Variants in ANKIB1 observed in about 807,000 individuals in gnomAD.
ANKIB1 encodes the protein ankyrin repeat and IBR domain-containing protein 1.
ANKIB1 carries 43 observed loss-of-function variants against 122.1 expected under a neutral mutation model. That is an observed-to-expected ratio of 0.35 (90% confidence interval 0.28 to 0.45). The LOEUF is 0.45. ANKIB1 is among the 20% of genes least tolerant of loss of function. ANKIB1 has a pLI of 1.00. For synonymous variants in ANKIB1, 390 were observed against 442.0 expected (o/e 0.88, Z 1.48); for missense variants, 992 against 1,329.5 (o/e 0.75, Z 3.95).
chr7:92,322,295 AT>A (rs1802928777), intron 4 of ANKIB1, among the ~76,000 whole-genome samples: 1 of 152,132 alleles, frequency 6.6e-6, no homozygotes, highest in Non-Finnish European at 1.5e-5. Flanking sequence ...TTATCAGTAG[AT>A]TTAATATCTA....
Position 92,294,987 on chromosome 7 carries a change from T to C in ANKIB1, c.9T>C (p.Asn3=). MG[N]TTTKFRKALI... ...AAAAAACAAAACAAAACATGGGAAA[T>C]ACAACCACCAAATTCCGTAAAGCAC... Residue 3 remains asparagine (N), a synonymous_variant, in exon 2 of 20, where the codon AAT becomes AAC. Transcript: ENST00000265742. 2 of 1,595,692 alleles carry C rather than the reference T, an allele frequency of 1.3e-6. No homozygotes were observed. Among genetic ancestry groups the C allele is most frequent in the Non-Finnish European group, 1.7e-6 (2 of 1,170,662 alleles).
At chr7:92,293,274 T>C (rs759332577) in intron 1 of ANKIB1, among the ~76,000 whole-genome samples, 2 of 152,214 alleles carry the variant, frequency 1.3e-5, no homozygotes, top group Admixed American at 6.5e-5. Flanking sequence ...CAGGTTATTA[T>C]ACAGCCAAGG....
intron 2 of ANKIB1, among the ~76,000 whole-genome samples, chr7:92,301,357 CT>C (rs369617319): frequency 0.016 from 2,341 of 145,678 alleles, 55 homozygotes; most frequent in African/African-American, 0.054. Flanking sequence ...CATCACTTAC[CT>C]TTTTTTTTTT....
intron 8 of ANKIB1, 149 bp downstream of exon 8, chr7:92,351,243 G>T (rs1364833217): frequency 1.5e-6 from 1 of 674,476 alleles, no homozygotes; most frequent in African/African-American, 1.9e-5. Flanking sequence ...TTGCTTAAAG[G>T]AATGGTGATA....
chr7:92,366,882 G>A (rs1221134809), intron 10 of ANKIB1, among the ~76,000 whole-genome samples: 1 of 152,064 alleles, frequency 6.6e-6, no homozygotes, highest in Non-Finnish European at 1.5e-5. Context: ...TAAATAGATG[G>A]CTATTTTTAG....
At chr7:92,390,648 A>T (rs1429784291) in intron 15 of ANKIB1, among the ~76,000 whole-genome samples, 2 of 152,196 alleles carry the variant, frequency 1.3e-5, no homozygotes, top group African/African-American at 4.8e-5. Flanking sequence ...TCATCCCTTG[A>T]ACTGTCCTCT....
At chr7:92,364,599 A>G (rs1194556291) in intron 10 of ANKIB1, among the ~76,000 whole-genome samples, 3 of 152,050 alleles carry the variant, frequency 2.0e-5, no homozygotes, top group Non-Finnish European at 1.5e-5. Context: ...GCATTTCTTT[A>G]TATATTTCTT....
rs769027486 is a variant in ANKIB1 at position 92,295,032 on chromosome 7, C to T, written c.54C>T (p.Asn18=). Residue 18 remains asparagine (N), a synonymous_variant, in exon 2 of 20, where the codon AAC becomes AAT. Transcript: ENST00000265742. ...FRKALINGDE[N]LACQIYENNP... is the part of the protein sequence containing the mutation. ...AAGCACTCATCAATGGTGATGAAAA[C>T]CTGGCCTGCCAAATATATGAAAACA... 1 of 1,606,172 alleles carries T rather than the reference C, an allele frequency of 6.2e-7. No homozygotes were observed. The highest frequency in any genetic ancestry group is 8.5e-7 in the Non-Finnish European group (1 of 1,176,324).
chr7:92,380,453 G>A (rs1804487800), intron 11 of ANKIB1, among the ~76,000 whole-genome samples: 1 of 152,168 alleles, frequency 6.6e-6, no homozygotes, highest in Non-Finnish European at 1.5e-5. Flanking sequence ...TGACCCCCAT[G>A]TAGCCTAACT....
chr7:92,268,541 A>T (rs1585079698), intron 1 of ANKIB1, among the ~76,000 whole-genome samples: 1 of 152,092 alleles, frequency 6.6e-6, no homozygotes, highest in Admixed American at 6.5e-5. Context: ...GCAGTGGCGC[A>T]ATCTTGGCTC....
chr7:92,246,829 C>G (rs190231468), intron 1 of ANKIB1, among the ~76,000 whole-genome samples: 3 of 152,300 alleles, frequency 2.0e-5, no homozygotes, highest in East Asian at 1.9e-4. Context: ...GCCTCCCCCC[C>G]ACCCCCATCC....
chr7:92,349,657 A>T (rs1014617865), intron 7 of ANKIB1, among the ~76,000 whole-genome samples: 4 of 152,186 alleles, frequency 2.6e-5, no homozygotes. Context: ...GGCAGTACTA[A>T]ATAATAATAA....
rs768026867 is a variant in ANKIB1 at position 92,397,779 on chromosome 7, G to A, written c.2452G>A (p.Ala818Thr). 6.2e-7 allele frequency: 1 copy of A among 1,608,782 alleles called. No individual in the cohort carries two copies. ...RRPGTSVVSS[A>T]SMSVLHSSSL... is the part of the protein sequence containing the mutation. ...GCCTGGCACATCCGTGGTAAGTTCTGCATCTATGAGTGTGCTGCACAGCTC... is the reference window on the plus strand; with the variant it reads ...GCCTGGCACATCCGTGGTAAGTTCTACATCTATGAGTGTGCTGCACAGCTC... Residue 818 changes from alanine (A) to threonine (T), a missense_variant, in exon 19 of 20, where the codon GCA becomes ACA. Transcript: ENST00000265742.
intron 5 of ANKIB1, among the ~76,000 whole-genome samples, chr7:92,335,262 A>T (rs980846997): frequency 6.6e-6 from 1 of 151,952 alleles, no homozygotes; most frequent in Non-Finnish European, 1.5e-5. Flanking sequence ...TTTACTGGTT[A>T]AGATTTCAGT....
intron 1 of ANKIB1, among the ~76,000 whole-genome samples, chr7:92,285,030 G>GGA (rs1334676546): frequency 7.9e-5 from 12 of 152,156 alleles, no homozygotes; most frequent in African/African-American, 2.7e-4. Flanking sequence ...TTTTATGAGT[G>GGA]GAGGTTTTAT....
chr7:92,325,687 A>G (rs1453964981), intron 4 of ANKIB1, among the ~76,000 whole-genome samples: 3 of 149,952 alleles, frequency 2.0e-5, no homozygotes, highest in Middle Eastern at 3.2e-3. Flanking sequence ...AGGGGAGGCT[A>G]TTTTCCTTGT....
chr7:92,360,857 A>G (rs995406212), intron 9 of ANKIB1, among the ~76,000 whole-genome samples: 2 of 152,106 alleles, frequency 1.3e-5, no homozygotes, highest in Non-Finnish European at 2.9e-5. Context: ...CTTAACACAC[A>G]TAACTTTTTT....
In ANKIB1 at chr7:92,259,015, G is replaced by A. The variant is rs150393918; in HGVS notation, c.-91+12496G>A. Among the ~76,000 whole-genome samples the A allele has an allele frequency of 4.0e-4, 61 of 152,072 alleles. 1 individual carries two copies. In the East Asian group the frequency reaches 5.2e-3, roughly 13 times the overall value. On this transcript the variant is annotated intron_variant, in intron 1 of 19. Transcript: ENST00000265742. ...ATTACCCAGGTTGGAGTACAGTGGC[G>A]CGATCTTGGCTCACTGTAACCTCTG...
intron 5 of ANKIB1, among the ~76,000 whole-genome samples, chr7:92,336,559 G>C (rs116712572): frequency 6.6e-6 from 1 of 152,042 alleles, no homozygotes; most frequent in African/African-American, 2.4e-5. Context: ...GTATATTGCT[G>C]TAGGCATTAT....
Sources: allele counts gnomAD v4.1 joint callset (sites outside exome capture counted in the v4.1 genomes callset), GRCh38; gene constraint gnomAD v4.1.1; transcripts MANE v1.5; gene names NCBI Gene and HGNC (gene_info 2026-07-23, HGNC 2026-07-21).